The following PMM1 variants were observed in gnomAD, a reference collection of about 807,000 sequenced individuals.
The protein encoded by PMM1 is brain glucose-1,6-bisphosphatase.
Under a neutral mutation model 34.0 loss-of-function variants are expected in PMM1, and 25 were observed. The observed-to-expected ratio is 0.73, with a 90% CI of 0.54 to 1.03. The LOEUF (loss-of-function observed/expected upper bound fraction) is 1.03. Ranked by LOEUF, PMM1 falls within the 50% of genes least tolerant of loss-of-function variation. PMM1 has a pLI of 0.00. For synonymous variants in PMM1, 134 were observed against 143.9 expected, an observed-to-expected ratio of 0.93 and a Z score of 0.49; for missense variants, 321 against 350.1, an observed-to-expected ratio of 0.92 and a Z score of 0.66.
intron 5 of PMM1, 140 bp from the exon 6 acceptor site, chr22:41,579,021 C>G: frequency 1.5e-6 from 1 of 680,722 alleles, no homozygotes; most frequent in Admixed American, 2.3e-5. Flanking sequence ...AACTAAGGCT[C>G]AGAGAGGGGT....
At chr22:41,589,072 C>G (rs1384893950) in intron 1 of PMM1, 1 of 1,303,248 alleles carries the variant, frequency 7.7e-7, no homozygotes, top group South Asian at 1.2e-5. Context: ...CCTCAGTGTC[C>G]TCACAGCAAA....
At chr22:41,588,718 C>T (rs1051246863) in intron 1 of PMM1, 10 of 985,450 alleles carry the variant, frequency 1.0e-5, no homozygotes, top group Non-Finnish European at 1.2e-5. Flanking sequence ...GCCTCCAGGG[C>T]CCAAGCCAGG....
Position 41,584,315 on chromosome 22 carries a change from T to G in PMM1, c.340A>C (p.Ser114Arg). ...GGCAGCCTGAGCAGGGCCATGTAGC[T>G]GAGGCAGAAGTTGATCAAGTCCTGC... The part of the protein sequence containing the change: ...LLQDLINFCL[S>R]YMALLRLPKK... Residue 114 changes from serine to arginine, a missense_variant, in exon 4 of 8, where the codon AGC becomes CGC. By Grantham distance (110) the Ser-to-Arg change is moderately radical. Coordinates refer to ENST00000216259, the MANE Select transcript of PMM1 (RefSeq NM_002676.3). The G allele has an allele frequency of 6.2e-7, 1 of 1,614,148 alleles. No individual in the cohort carries two copies. The highest frequency in any genetic ancestry group is 1.3e-5 in the African/African-American group (1 of 75,032).
intron 2 of PMM1, 74 bp downstream of exon 2, chr22:41,586,002 C>T: frequency 9.1e-7 from 1 of 1,103,278 alleles, no homozygotes; most frequent in Non-Finnish European, 1.3e-6. Flanking sequence ...CCCACAGAAG[C>T]AGGACTGGAT....
At chr22:41,578,243 G>C (rs368867416) in intron 6 of PMM1, among the ~76,000 whole-genome samples, 1 of 152,178 alleles carries the variant, frequency 6.6e-6, no homozygotes, top group African/African-American at 2.4e-5. Flanking sequence ...GGAAGAGAAC[G>C]AGCGTCCCAG....
At chr22:41,585,605 C>A (rs2067299160) in intron 2 of PMM1, among the ~76,000 whole-genome samples, 1 of 152,106 alleles carries the variant, frequency 6.6e-6, no homozygotes, top group Admixed American at 6.6e-5. Context: ...GATTCTCCTG[C>A]CTCAGCCTCC....
chr22:41,585,462 CTTTTATTTA>C, intron 2 of PMM1: 1 of 143,536 alleles, frequency 7.0e-6, no homozygotes, highest in Non-Finnish European at 1.5e-5. Context: ...TGGTTCTGCC[CTTTTATTTA>C]TTTATTTATT....
At chr22:41,589,241 A>G in intron 1 of PMM1, 1 of 621,800 alleles carries the variant, frequency 1.6e-6, no homozygotes, top group Non-Finnish European at 2.7e-6. Flanking sequence ...TCGGGGTGGG[A>G]AGACTCCGAG....
chr22:41,579,561 C>G (rs1170675771), intron 5 of PMM1: 1 of 152,570 alleles, frequency 6.6e-6, no homozygotes, highest in African/African-American at 2.4e-5. Flanking sequence ...AACCAGCCAG[C>G]AGGACATTCA....
At chr22:41,586,944 T>C (rs1486959432) in intron 1 of PMM1, among the ~76,000 whole-genome samples, 2 of 132,822 alleles carry the variant, frequency 1.5e-5, no homozygotes, top group Admixed American at 8.7e-5. Context: ...ATGGTGAAAC[T>C]CTGTTTCTAC....
Position 41,576,932 on chromosome 22 carries a change from T to C in PMM1, c.*386A>G. The C allele has an allele frequency of 3.1e-6, 1 of 320,072 alleles. No individual in the cohort carries two copies. Among genetic ancestry groups the C allele is most frequent in the Non-Finnish European group, 6.1e-6 (1 of 164,176 alleles). The allele number at this position is 320,072 out of a possible 1,614,324, so 19.8% of individuals were successfully genotyped here. On this transcript the variant is annotated 3_prime_UTR_variant, in exon 8 of 8. Coordinates refer to ENST00000216259, the MANE Select transcript of PMM1 (RefSeq NM_002676.3). ...TGGGAACTTTAATACTGTGACAAAG[T>C]TCTCTAAAATAGGCACCTTCCCCAC...
At position 41,586,124 on chromosome 22, in the gene PMM1, C is replaced by T. The variant is rs772360667; in HGVS notation, c.157G>A (p.Gly53Ser). The T allele has an allele frequency of 1.1e-5, 17 of 1,612,664 alleles. No homozygotes were observed. In the Admixed American group the frequency reaches 1.5e-4, roughly 14 times the overall value. ...TCAGCGATCTTACAGTAGTCAGAGC[C>T]GCCCACCACACCGATCTGCACTCTA... ...RSRVQIGVVG[G>S]SDYCKIAEQL... is the part of the protein sequence containing the mutation. Residue 53 changes from glycine (G) to serine (S), a missense_variant, in exon 2 of 8, where the codon GGC (glycine) becomes AGC (serine). By Grantham distance (56) the Gly-to-Ser change is moderately conservative. Transcript: ENST00000216259.
At chr22:41,581,632 T>C (rs1368529086) in intron 5 of PMM1, among the ~76,000 whole-genome samples, 3 of 151,910 alleles carry the variant, frequency 2.0e-5, no homozygotes, top group Non-Finnish European at 4.4e-5. Flanking sequence ...GGTGGGTGGA[T>C]TGCCTGAGCT....
intron 4 of PMM1, 81 bp from the exon 5 acceptor site, chr22:41,584,139 C>T: frequency 2.3e-6 from 3 of 1,319,650 alleles, no homozygotes; most frequent in Non-Finnish European, 3.3e-6. Context: ...GGACCCCAGC[C>T]TCCTAGGACT....
At chr22:41,584,155 G>A in intron 4 of PMM1, 97 bp from the exon 5 acceptor site, 1 of 1,303,304 alleles carries the variant, frequency 7.7e-7, no homozygotes. Flanking sequence ...GGACTTCAAA[G>A]GGGACAAGAA....
intron 5 of PMM1, among the ~76,000 whole-genome samples, chr22:41,583,161 G>A (rs2067265495): frequency 6.6e-6 from 1 of 152,104 alleles, no homozygotes; most frequent in Admixed American, 6.6e-5. Context: ...TGGGGCTGGG[G>A]GGTGAATGCG....
intron 6 of PMM1, 101 bp downstream of exon 6, chr22:41,578,705 A>G: frequency 3.2e-6 from 3 of 938,510 alleles, no homozygotes; most frequent in Non-Finnish European, 5.1e-6. Context: ...GGGAGGGGCT[A>G]CTAAAGCTAC....
Position 41,577,206 on chromosome 22 carries a change from AGCAGGCGTCCTGG to A in PMM1, c.*99_*111del. The A allele has an allele frequency of 6.9e-7, 1 of 1,454,340 alleles. No homozygotes were observed. The highest frequency in any genetic ancestry group is 9.5e-7 in the Non-Finnish European group (1 of 1,049,928). 90.1% of individuals were successfully genotyped at this position (1,454,340 alleles called of 1,614,324 possible). Reference sequence around the variant, plus strand: ...TCTGGCCCCATCTGGGTGGGCTTGCAGCAGGCGTCCTGGGCCAGAGGAGGGGCCCTGGCATCTA... The same window carrying A: ...TCTGGCCCCATCTGGGTGGGCTTGCAGCCAGAGGAGGGGCCCTGGCATCTA... On this transcript the variant is annotated 3_prime_UTR_variant, in exon 8 of 8. Transcript: ENST00000216259.
chr22:41,584,106 G>T, intron 4 of PMM1, 48 bp from the exon 5 acceptor site: 1 of 1,474,376 alleles, frequency 6.8e-7, no homozygotes, highest in Non-Finnish European at 9.5e-7. Context: ...GAACGGCCCT[G>T]AATTCAAATC....
Sources: gnomAD v4.1 joint callset for allele counts (sites outside exome capture counted in the v4.1 genomes callset) on GRCh38, gnomAD v4.1.1 for gene constraint, MANE v1.5 for transcripts, NCBI Gene and HGNC (gene_info 2026-07-23, HGNC 2026-07-21) for gene names.